Variants in GNAQ observed in about 807,000 individuals in gnomAD.
GNAQ encodes guanine nucleotide-binding protein G(q) subunit alpha.
GNAQ carries 8 observed loss-of-function variants against 43.9 expected under a neutral mutation model. The ratio of observed to expected loss-of-function variants is 0.18; its 90% confidence interval spans 0.11 to 0.33. The LOEUF is 0.33. GNAQ is among the 10% of genes least tolerant of loss of function. GNAQ has a pLI of 1.00. For synonymous variants in GNAQ, 155 were observed against 170.7 expected, an observed-to-expected ratio of 0.91 and a Z score of 0.71; for missense variants, 158 against 450.8, an observed-to-expected ratio of 0.35 and a Z score of 5.88.
chr9:78,028,903 T>C (rs1244116021), intron 1 of GNAQ, among the ~76,000 whole-genome samples: 2 of 152,192 alleles, frequency 1.3e-5, no homozygotes, highest in Non-Finnish European at 2.9e-5. Flanking sequence ...AGTATTGTAG[T>C]ATTCATGTTG....
chr9:77,929,867 TTTA>T (rs1208543618), intron 1 of GNAQ, among the ~76,000 whole-genome samples: 1 of 152,158 alleles, frequency 6.6e-6, no homozygotes, highest in Non-Finnish European at 1.5e-5. Context: ...GCAACAATAC[TTTA>T]TTGTTATTTT....
At chr9:77,979,537 C>G (rs764193409) in intron 1 of GNAQ, among the ~76,000 whole-genome samples, 3 of 151,876 alleles carry the variant, frequency 2.0e-5, no homozygotes, top group Non-Finnish European at 2.9e-5. Flanking sequence ...GTGCCCCTTA[C>G]TAGGAAAGCA....
intron 5 of GNAQ, among the ~76,000 whole-genome samples, chr9:77,774,822 CATT>C (rs1449956790): frequency 6.6e-6 from 1 of 152,088 alleles, no homozygotes; most frequent in East Asian, 1.9e-4. Context: ...TTAAGATAAT[CATT>C]ATTTCTTTAA....
Position 77,716,640 on chromosome 9 carries a change from G to A in GNAQ, c.*4683C>T, listed in dbSNP as rs1825231074. The A allele has an allele frequency of 4.3e-6, 1 of 232,676 alleles. No individual in the cohort carries two copies. 14.4% of individuals were successfully genotyped at this position (232,676 alleles called of 1,614,324 possible). On this transcript the variant is annotated 3_prime_UTR_variant, in exon 7 of 7. Coordinates refer to ENST00000286548, the MANE Select transcript of GNAQ (RefSeq NM_002072.5). ...AGCTTTCTTTCCTGAACTTAAAAAT[G>A]TTCTACCAACGAATACCTTTCTGTT... is the stretch of plus-strand genomic sequence containing the variant.
At chr9:77,753,570 A>T (rs2118301481) in intron 5 of GNAQ, among the ~76,000 whole-genome samples, 1 of 152,346 alleles carries the variant, frequency 6.6e-6, no homozygotes, top group East Asian at 1.9e-4. Context: ...GTCTGAAATT[A>T]GGCCCATAAA....
At chr9:77,913,740 C>CGGAACTTG (rs1828847811) in intron 2 of GNAQ, among the ~76,000 whole-genome samples, 1 of 152,196 alleles carries the variant, frequency 6.6e-6, no homozygotes, top group African/African-American at 2.4e-5. Context: ...GGTCATCCTT[C>CGGAACTTG]GGAACTTGGG....
At chr9:77,856,472 C>A (rs1411832152) in intron 2 of GNAQ, among the ~76,000 whole-genome samples, 1 of 152,068 alleles carries the variant, frequency 6.6e-6, no homozygotes, top group Non-Finnish European at 1.5e-5. Flanking sequence ...ACTGGGGAAA[C>A]TAGGACTTTC....
At position 77,878,534 on chromosome 9, in the gene GNAQ, G is replaced by A. The variant is rs188151312; in HGVS notation, c.321+43627C>T. Among the ~76,000 whole-genome samples the A allele has an allele frequency of 6.2e-4, 94 of 151,748 alleles. 1 individual carries two copies. The highest frequency in any genetic ancestry group is 2.8e-3 in the Admixed American group (42 of 15,244). On this transcript the variant is annotated intron_variant, in intron 2 of 6. Coordinates refer to ENST00000286548, the MANE Select transcript of GNAQ (RefSeq NM_002072.5). ...ATATAAAATGCCAATGCACTTCCTGGGCCATAAAATGCACCTAATATGTTG... is the reference window on the plus strand; with the variant it reads ...ATATAAAATGCCAATGCACTTCCTGAGCCATAAAATGCACCTAATATGTTG...
chr9:77,775,211 A>C (rs562241589), intron 5 of GNAQ, among the ~76,000 whole-genome samples: 2 of 152,270 alleles, frequency 1.3e-5, no homozygotes, highest in South Asian at 4.1e-4. Flanking sequence ...TTTCATTGTT[A>C]ACAACTTTGA....
chr9:77,935,537 C>T (rs1829218775), intron 1 of GNAQ, among the ~76,000 whole-genome samples: 1 of 152,134 alleles, frequency 6.6e-6, no homozygotes, highest in Admixed American at 6.5e-5. Context: ...CAGAGAACTT[C>T]GAAGATAGGT....
intron 2 of GNAQ, among the ~76,000 whole-genome samples, chr9:77,817,751 A>C (rs1827041641): frequency 6.6e-6 from 1 of 152,148 alleles, no homozygotes; most frequent in Non-Finnish European, 1.5e-5. Flanking sequence ...AATAACTGAG[A>C]ATATAGAACA....
intron 2 of GNAQ, among the ~76,000 whole-genome samples, chr9:77,858,212 C>A (rs559446217): frequency 2.0e-5 from 3 of 152,218 alleles, no homozygotes; most frequent in East Asian, 3.9e-4. Context: ...GTCTCCAGAC[C>A]CAGCAGCAGT....
intron 5 of GNAQ, among the ~76,000 whole-genome samples, chr9:77,746,943 T>C (rs936394577): frequency 2.0e-5 from 3 of 152,200 alleles, no homozygotes; most frequent in African/African-American, 4.8e-5. Context: ...AAATTTTGTC[T>C]TTTTTAGTTG....
chr9:77,843,638 G>A (rs1308279633), intron 2 of GNAQ, among the ~76,000 whole-genome samples: 1 of 152,208 alleles, frequency 6.6e-6, no homozygotes, highest in African/African-American at 2.4e-5. Context: ...GGAAACTGGT[G>A]TCAGGTGAAC....
chr9:77,746,673 G>C (rs1013473726), intron 5 of GNAQ, among the ~76,000 whole-genome samples: 1 of 152,194 alleles, frequency 6.6e-6, no homozygotes, highest in African/African-American at 2.4e-5. Context: ...GTTAAATAGT[G>C]TAAACAGTGA....
chr9:77,864,015 G>A (rs1827906015), intron 2 of GNAQ, among the ~76,000 whole-genome samples: 1 of 152,022 alleles, frequency 6.6e-6, no homozygotes, highest in Admixed American at 6.6e-5. Context: ...AGGTTTATTT[G>A]GCTCATAGTT....
chr9:77,732,284 T>C (rs78011746), intron 5 of GNAQ, among the ~76,000 whole-genome samples: 1,791 of 152,204 alleles, frequency 0.012, 29 homozygotes, highest in African/African-American at 0.041. Context: ...AAAGGCAGTC[T>C]GGGGGGTGGT....
chr9:77,994,620 T>A (rs4745685), intron 1 of GNAQ, among the ~76,000 whole-genome samples: 32,470 of 152,068 alleles, frequency 0.21, 3,670 homozygotes, highest in South Asian at 0.38. Context: ...TCACTAACAA[T>A]GCTCCACACT....
chr9:77,932,872 C>CA lies in GNAQ; in HGVS notation c.137-10528dup, dbSNP rs201628411. 6.6e-3 allele frequency among the ~76,000 whole-genome samples: 998 copies of CA among 150,142 alleles called. 10 individuals carry two copies. The highest frequency in any genetic ancestry group is 0.019 in the African/African-American group (774 of 40,868). ...TAGTAGGGTATTCCAACAATCAAAA[C>CA]AAAAAAAAATCCTAAAAAAGTCTGT... On this transcript the variant is annotated intron_variant, in intron 1 of 6. Coordinates refer to ENST00000286548, the MANE Select transcript of GNAQ (RefSeq NM_002072.5).
Sources: allele counts gnomAD v4.1 joint callset (sites outside exome capture counted in the v4.1 genomes callset), GRCh38; gene constraint gnomAD v4.1.1; transcripts MANE v1.5; gene names NCBI Gene and HGNC (gene_info 2026-07-23, HGNC 2026-07-21).